Variants in APLF observed in about 807,000 individuals in gnomAD.
APLF encodes the protein aprataxin and PNKP like factor.
APLF carries 61 observed loss-of-function variants against 55.6 expected under a neutral mutation model. The ratio of observed to expected loss-of-function variants is 1.10; its 90% CI spans 0.89 to 1.36. The LOEUF (loss-of-function observed/expected upper bound fraction) is 1.36, where lower values mean the gene tolerates loss of function less well. Among genes scored for constraint, APLF ranks in the 40% most tolerant of loss-of-function variants. The pLI, the probability that APLF is intolerant of heterozygous loss-of-function variation, is 0.00. For missense variants in APLF, 611 were observed against 602.5 expected (o/e 1.01, Z -0.15); for synonymous variants, 207 against 214.8 (o/e 0.96, Z 0.32).
intron 7 of APLF, among the ~76,000 whole-genome samples, chr2:68,539,920 T>G (rs1159372271): frequency 6.6e-6 from 1 of 151,960 alleles, no homozygotes; most frequent in Non-Finnish European, 1.5e-5. Context: ...AAAAAAGAAA[T>G]AACATGTAGA....
rs115017206 is a variant in APLF at position 68,551,851 on chromosome 2, A to G, written c.1286+6539A>G. 5.5e-3 allele frequency among the ~76,000 whole-genome samples: 834 copies of G among 152,080 alleles called. 4 individuals carry two copies. The highest frequency in any genetic ancestry group is 0.019 in the African/African-American group (796 of 41,474). Reference sequence around the variant, plus strand: ...CTAACATATTTTAATGAAAAGAACTATAGGTACCCTAGATGTTGTCTTCCA... The same window carrying G: ...CTAACATATTTTAATGAAAAGAACTGTAGGTACCCTAGATGTTGTCTTCCA... On this transcript the variant is annotated intron_variant, in intron 8 of 9. Coordinates refer to ENST00000303795, the MANE Select transcript of APLF (RefSeq NM_173545.3).
intron 6 of APLF, among the ~76,000 whole-genome samples, chr2:68,528,030 GC>G (rs1300454798): frequency 6.6e-6 from 1 of 151,082 alleles, no homozygotes; most frequent in Non-Finnish European, 1.5e-5. Flanking sequence ...CGGGGGCTAG[GC>G]AGAGGCGCTC....
chr2:68,568,309 C>A (rs1408602406), intron 9 of APLF: 4 of 985,164 alleles, frequency 4.1e-6, no homozygotes, highest in Non-Finnish European at 4.8e-6. Flanking sequence ...GCTGCACTCA[C>A]TTGCATTTAT....
At chr2:68,519,237 ATATAT>A (rs1266271133) in intron 5 of APLF, among the ~76,000 whole-genome samples, 115 of 140,052 alleles carry the variant, frequency 8.2e-4, no homozygotes, top group African/African-American at 2.8e-3. Context: ...ATAATATATT[ATATAT>A]TATATATCAT....
At chr2:68,565,881 A>G (rs944394341) in intron 8 of APLF, among the ~76,000 whole-genome samples, 81 of 152,254 alleles carry the variant, frequency 5.3e-4, no homozygotes, top group Non-Finnish European at 7.2e-4. Context: ...AATGTAGTCC[A>G]TAATTTTGCC....
chr2:68,483,798 A>G lies in APLF; in HGVS notation c.97-6392A>G, dbSNP rs115289313. On this transcript the variant is annotated intron_variant, in intron 1 of 9. Coordinates refer to ENST00000303795, the MANE Select transcript of APLF (RefSeq NM_173545.3). The stretch of plus-strand genomic sequence containing the variant: ...TATAGTTTATACTGAAAAATGAACT[A>G]TTTTCTGTTCTTATATGTACAGGAA... Among the ~76,000 whole-genome samples, 826 of 152,210 alleles carry G rather than the reference A, an allele frequency of 5.4e-3. 4 individuals are homozygous for G. Among genetic ancestry groups the G allele is most frequent in the African/African-American group, 0.019 (790 of 41,522 alleles).
chr2:68,563,081 T>G lies in APLF; in HGVS notation c.1287-4260T>G, dbSNP rs1169128463. 6.1e-6 allele frequency: 6 copies of G among 985,124 alleles called. No homozygotes were observed. The African/African-American group carries it at 1.0e-4, about 17-fold the overall frequency. The allele number at this position is 985,124 out of a possible 1,614,324, so 61.0% of individuals were successfully genotyped here. On this transcript the variant is annotated intron_variant, in intron 8 of 9. Coordinates refer to ENST00000303795, the MANE Select transcript of APLF (RefSeq NM_173545.3). The stretch of plus-strand genomic sequence containing the variant: ...GCTGGCAAAGTTTTATCGATATTAT[T>G]TCTTTTGCTTTAGGTTGGAAGTTCA...
intron 8 of APLF, among the ~76,000 whole-genome samples, chr2:68,559,382 T>C (rs1289701015): frequency 6.6e-6 from 1 of 152,182 alleles, no homozygotes; most frequent in Non-Finnish European, 1.5e-5. Flanking sequence ...TCTGTTCTTA[T>C]TTCTTAGGCG....
intron 7 of APLF, among the ~76,000 whole-genome samples, 169 bp downstream of exon 7, chr2:68,538,396 C>T (rs1215505099): frequency 2.0e-5 from 3 of 151,998 alleles, no homozygotes; most frequent in African/African-American, 7.3e-5. Context: ...CTAGAAAATC[C>T]TTTTAAGGCT....
At chr2:68,473,192 C>T (rs1573140959) in intron 1 of APLF, among the ~76,000 whole-genome samples, 1 of 152,206 alleles carries the variant, frequency 6.6e-6, no homozygotes. Context: ...AGAGGCTCCC[C>T]AGGACCCCTG....
chr2:68,493,313 C>A (rs968799528), intron 2 of APLF, among the ~76,000 whole-genome samples: 9 of 151,818 alleles, frequency 5.9e-5, no homozygotes, highest in African/African-American at 1.7e-4. Context: ...GGTACTGGGA[C>A]AGTTATCTGT....
chr2:68,495,824 G>C (rs1191079307), intron 2 of APLF, among the ~76,000 whole-genome samples: 1 of 152,244 alleles, frequency 6.6e-6, no homozygotes, highest in Non-Finnish European at 1.5e-5. Flanking sequence ...TTAACACCGT[G>C]TGAGAGCTGT....
intron 6 of APLF, among the ~76,000 whole-genome samples, chr2:68,537,281 T>C (rs1666846386): frequency 6.6e-6 from 1 of 150,910 alleles, no homozygotes; most frequent in African/African-American, 2.4e-5. Flanking sequence ...TCTTCTCTTA[T>C]ATTTTATTTG....
At chr2:68,555,543 A>G (rs1183269477) in intron 8 of APLF, among the ~76,000 whole-genome samples, 4 of 152,236 alleles carry the variant, frequency 2.6e-5, no homozygotes, top group African/African-American at 9.6e-5. Flanking sequence ...TAAATGGCCA[A>G]CAAACATATG....
rs539342902 is a variant in APLF at position 68,577,858 on chromosome 2, C to T, written c.1372C>T (p.Gln458Ter). ...VLDEDNDNVGQPNEYDLNDSF... is the reference protein window; with the variant it reads ...VLDEDNDNVG ...AGATGAAGATAATGATAATGTTGGG[C>T]AACCCAATGAGTATGACCTGAACGA... Residue 458 changes from glutamine (Q) to a stop codon, truncating the protein, a stop_gained, in exon 10 of 10, where the codon CAA (glutamine) becomes TAA (stop). Coordinates refer to ENST00000303795, the MANE Select transcript of APLF (RefSeq NM_173545.3). LOFTEE classifies it high-confidence loss of function. 1.2e-6 allele frequency: 2 copies of T among 1,613,276 alleles called. No homozygotes were observed. The highest frequency in any genetic ancestry group is 1.1e-5 in the South Asian group (1 of 91,038).
Position 68,499,607 on chromosome 2 carries a change from G to A in APLF, c.169-3124G>A, listed in dbSNP as rs925780682. On this transcript the variant is annotated intron_variant, in intron 2 of 9. Transcript: ENST00000303795. ...TAATCCCAGCACTTTGGGAGGCCAG[G>A]GCAGGTGGATCACTTGAGGCCAGGA... Among the ~76,000 whole-genome samples the A allele has an allele frequency of 9.9e-5, 15 of 152,280 alleles. No homozygotes were observed. In the South Asian group the frequency reaches 1.0e-3, roughly 11 times the overall value.
At chr2:68,509,953 C>T (rs1249237375) in intron 3 of APLF, among the ~76,000 whole-genome samples, 4 of 151,074 alleles carry the variant, frequency 2.6e-5, no homozygotes, top group South Asian at 2.1e-4. Context: ...TCATTCTCAG[C>T]AAACTATCGC....
In APLF at chr2:68,473,488, G is replaced by A. The variant is rs370732865; in HGVS notation, c.96+5661G>A. On this transcript the variant is annotated intron_variant, in intron 1 of 9. Coordinates refer to ENST00000303795, the MANE Select transcript of APLF (RefSeq NM_173545.3). The stretch of plus-strand genomic sequence containing the variant: ...TTTGGGTGCAGATTTTTGTGTGAAC[G>A]TAGGTCTTCAACTCATTTAGGTAGA... 6.4e-3 allele frequency among the ~76,000 whole-genome samples: 973 copies of A among 152,264 alleles called. 7 individuals are homozygous for A. Among genetic ancestry groups the A allele is most frequent in the African/African-American group, 0.022 (923 of 41,542 alleles).
intron 9 of APLF, chr2:68,568,242 A>C: frequency 1.0e-6 from 1 of 984,556 alleles, no homozygotes; most frequent in Non-Finnish European, 1.2e-6. Context: ...ACAGAGGCTG[A>C]TTCAGCGCAT....
Sources: allele counts gnomAD v4.1 joint callset (sites outside exome capture counted in the v4.1 genomes callset), GRCh38; gene constraint gnomAD v4.1.1; transcripts MANE v1.5; gene names NCBI Gene and HGNC (gene_info 2026-07-23, HGNC 2026-07-21).